The following UTP18 variants were observed in gnomAD, a reference collection of about 807,000 sequenced individuals.
UTP18 encodes the protein U3 small nucleolar RNA-associated protein 18 homolog.
UTP18 carries 36 observed loss-of-function variants against 61.1 expected under a neutral mutation model. That is an observed-to-expected ratio of 0.59 (90% CI 0.45 to 0.78). The LOEUF (loss-of-function observed/expected upper bound fraction) is 0.78, where lower values mean the gene tolerates loss of function less well. Among genes scored for constraint, UTP18 ranks in the 30% least tolerant of loss-of-function variants. The pLI is 0.00. For missense variants in UTP18, 753 were observed against 693.9 expected, an observed-to-expected ratio of 1.09 and a Z score of -0.96; for synonymous variants, 282 against 251.1, an observed-to-expected ratio of 1.12 and a Z score of -1.16.
chr17:51,297,758 T>C, intron 13 of UTP18, 24 bp from the exon 14 acceptor site: 2 of 436,994 alleles, frequency 4.6e-6, no homozygotes, highest in South Asian at 1.7e-5. Flanking sequence ...ATCAGGTATG[T>C]AATTTCTTTT....
At chr17:51,293,175 CTT>C (rs1905275167) in intron 11 of UTP18, among the ~76,000 whole-genome samples, 1 of 151,960 alleles carries the variant, frequency 6.6e-6, no homozygotes, top group Non-Finnish European at 1.5e-5. Context: ...GTACTTTTTG[CTT>C]TAGTTTATTC....
At chr17:51,260,985 TGAAGCTCCGGGGG>T in intron 1 of UTP18, 59 bp downstream of exon 1, 9 of 1,381,500 alleles carry the variant, frequency 6.5e-6, no homozygotes, top group Non-Finnish European at 8.4e-6. Flanking sequence ...CGGTGGGCGG[TGAAGCTCCGGGGG>T]GCGGAGCCTG....
chr17:51,273,246 G>T, intron 4 of UTP18, 116 bp from the exon 5 acceptor site: 1 of 601,812 alleles, frequency 1.7e-6, no homozygotes, highest in Non-Finnish European at 2.6e-6. Context: ...AAGCAATTGA[G>T]GTAGGGAGGC....
intron 4 of UTP18, among the ~76,000 whole-genome samples, chr17:51,269,324 A>C (rs1024412595): frequency 2.3e-4 from 33 of 140,562 alleles, no homozygotes; most frequent in African/African-American, 7.2e-4. Context: ...AAAAAAAAAA[A>C]AACCAAAAAA....
At chr17:51,269,700 T>TA (rs1387556490) in intron 4 of UTP18, among the ~76,000 whole-genome samples, 1 of 152,212 alleles carries the variant, frequency 6.6e-6, no homozygotes, top group Non-Finnish European at 1.5e-5. Flanking sequence ...GACAATCTGT[T>TA]ACTAAGTAGA....
At chr17:51,278,624 C>T (rs992618352) in intron 7 of UTP18, among the ~76,000 whole-genome samples, 14 of 152,108 alleles carry the variant, frequency 9.2e-5, no homozygotes, top group South Asian at 4.1e-4. Context: ...ACATTTCCAC[C>T]GCCTGATACT....
At chr17:51,294,685 C>A (rs1166129775) in intron 12 of UTP18, among the ~76,000 whole-genome samples, 2 of 152,050 alleles carry the variant, frequency 1.3e-5, no homozygotes, top group Non-Finnish European at 2.9e-5. Context: ...GTCTTTATAG[C>A]AGCATGATTT....
chr17:51,279,079 C>G (rs1244039631), intron 7 of UTP18, among the ~76,000 whole-genome samples: 1 of 152,112 alleles, frequency 6.6e-6, no homozygotes, highest in Admixed American at 6.5e-5. Context: ...AATATTGTAA[C>G]TTAGTAACTT....
intron 7 of UTP18, 85 bp downstream of exon 7, chr17:51,277,389 C>T: frequency 3.6e-6 from 5 of 1,407,550 alleles, no homozygotes; most frequent in Non-Finnish European, 4.8e-6. Context: ...TTTTTCACTC[C>T]ATAGGATTCT....
At chr17:51,268,001 T>G (rs1318189790) in intron 3 of UTP18, among the ~76,000 whole-genome samples, 1 of 142,466 alleles carries the variant, frequency 7.0e-6, no homozygotes, top group Non-Finnish European at 1.5e-5. Context: ...TGTTTTTTTG[T>G]TTTTTGTTTT....
In UTP18 at chr17:51,281,164, A is replaced by ATATATTTT. The variant is rs59857038; in HGVS notation, c.1204+686_1204+687insATATTTTT. Among the ~76,000 whole-genome samples, 718 of 140,382 alleles carry ATATATTTT rather than the reference A, an allele frequency of 5.1e-3. 8 individuals carry two copies. The highest frequency in any genetic ancestry group is 0.018 in the African/African-American group (667 of 37,334). The allele number at this position is 140,382 out of a possible 152,430, so 92.1% of individuals were successfully genotyped here. The stretch of plus-strand genomic sequence containing the variant: ...AAAATATATATATATATATATATAT[A>ATATATTTT]TTTTTTTTAAACGAAAAGTTGTGTT... On this transcript the variant is annotated intron_variant, in intron 9 of 13. Transcript: ENST00000225298.
In UTP18 at chr17:51,297,634, T is replaced by G. The variant is rs529897087; in HGVS notation, c.*15-148T>G. The G allele has an allele frequency of 7.9e-6, 3 of 379,878 alleles. No homozygotes were observed. The Admixed American group carries it at 1.3e-4, about 17-fold the overall frequency. The allele number at this position is 379,878 out of a possible 1,614,324, so 23.5% of individuals were successfully genotyped here. A position where few individuals can be genotyped will look rare whatever the true frequency, so the allele number is the denominator to read the frequency against. On this transcript the variant is annotated intron_variant, in intron 13 of 13. Coordinates refer to ENST00000225298, the MANE Select transcript of UTP18 (RefSeq NM_016001.3). ...AGATTTAATTAGGACAAAGGATTTT[T>G]AAAGGTACAGGCATTTTGGGCAAAG... is the stretch of plus-strand genomic sequence containing the variant.
At chr17:51,283,859 C>A (rs567739736) in intron 9 of UTP18, among the ~76,000 whole-genome samples, 1 of 152,228 alleles carries the variant, frequency 6.6e-6, no homozygotes, top group South Asian at 2.1e-4. Context: ...AAGTGAGCCA[C>A]CTGCCTTGGC....
chr17:51,266,873 T>C (rs771077981), intron 3 of UTP18, among the ~76,000 whole-genome samples: 4 of 152,202 alleles, frequency 2.6e-5, no homozygotes, highest in Non-Finnish European at 5.9e-5. Flanking sequence ...TTATATATTT[T>C]TTTGAGGTAG....
intron 3 of UTP18, among the ~76,000 whole-genome samples, chr17:51,267,854 C>T (rs933383788): frequency 4.6e-5 from 7 of 151,882 alleles, no homozygotes; most frequent in African/African-American, 1.5e-4. Flanking sequence ...ATCCAGTTTC[C>T]GAAAAAATTT....
chr17:51,297,035 G>C (rs1455376986), intron 13 of UTP18, 32 bp downstream of exon 13: 1 of 1,581,696 alleles, frequency 6.3e-7, no homozygotes, highest in Non-Finnish European at 8.6e-7. Flanking sequence ...AAATTCTGCA[G>C]GTTTTAAGAT....
Position 51,293,946 on chromosome 17 carries a change from TTAAAAA to T in UTP18, c.1551_1556del (p.Lys519_Asn520del), listed in dbSNP as rs1397415518. On this transcript the variant is annotated inframe_deletion, in exon 12 of 14. Transcript: ENST00000225298. ...ACAGTATTTTCAAACTTCCCAGTCATTAAAAATAAGAATATTTCTCATGTTCATACC... is the reference window on the plus strand; with the variant it reads ...ACAGTATTTTCAAACTTCCCAGTCATTAAGAATATTTCTCATGTTCATACC... 3 of 1,604,560 alleles carry T rather than the reference TTAAAAA, an allele frequency of 1.9e-6. No individual in the cohort carries two copies. The highest frequency in any genetic ancestry group is 2.6e-6 in the Non-Finnish European group (3 of 1,175,356).
chr17:51,289,691 A>G (rs1395961927), intron 11 of UTP18, among the ~76,000 whole-genome samples: 2 of 152,212 alleles, frequency 1.3e-5, no homozygotes, highest in Admixed American at 6.5e-5. Context: ...AGAACTTTGA[A>G]TAGCAGAATT....
chr17:51,260,817 T>A lies in UTP18; in HGVS notation c.233T>A (p.Leu78Gln). ...AGACGGCTCCGGCAGCGGAACCGCC[T>A]GAGGCTGGAGGAGGACAAACCGGCC... ...EERRLRQRNR[L>Q]RLEEDKPAVE... Residue 78 changes from leucine (L) to glutamine (Q), a missense_variant, in exon 1 of 14, where the codon CTG becomes CAG. Leu to Gln is a moderately radical substitution (Grantham distance 113, BLOSUM62 -2). Transcript: ENST00000225298. The A allele has an allele frequency of 1.9e-6, 3 of 1,592,470 alleles. No homozygotes were observed. The highest frequency in any genetic ancestry group is 1.1e-5 in the South Asian group (1 of 88,330).
Sources: gnomAD v4.1 joint callset for allele counts (sites outside exome capture counted in the v4.1 genomes callset) on GRCh38, gnomAD v4.1.1 for gene constraint, MANE v1.5 for transcripts, NCBI Gene and HGNC (gene_info 2026-07-23, HGNC 2026-07-21) for gene names.